The following CDH15 variants were observed in gnomAD, a reference collection of about 807,000 sequenced individuals.
CDH15 encodes the protein cadherin-15.
Under a neutral mutation model 69.4 loss-of-function variants are expected in CDH15, and 73 were observed. The ratio of observed to expected loss-of-function variants is 1.05; its 90% confidence interval spans 0.87 to 1.28. The LOEUF (loss-of-function observed/expected upper bound fraction) is 1.28. Among genes scored for constraint, CDH15 ranks in the 50% most tolerant of loss-of-function variants. CDH15 has a pLI of 0.00. For synonymous variants in CDH15, 624 were observed against 507.7 expected (o/e 1.23, Z -3.08); for missense variants, 1,343 against 1,133.6 (o/e 1.18, Z -2.65).
At chr16:89,191,601 G>C in intron 9 of CDH15, 54 bp from the exon 10 acceptor site, 1 of 1,570,940 alleles carries the variant, frequency 6.4e-7, no homozygotes, top group Non-Finnish European at 8.6e-7. Context: ...TGAGCCGACT[G>C]GTGGGGCAGG....
chr16:89,191,924 C>A (rs1270652668), intron 10 of CDH15, 30 bp downstream of exon 10: 4 of 1,522,396 alleles, frequency 2.6e-6, no homozygotes, highest in Non-Finnish European at 3.5e-6. Flanking sequence ...GCGCTCCCCC[C>A]ATCCCCACGC....
chr16:89,191,816 C>T lies in CDH15; in HGVS notation c.1537C>T (p.His513Tyr), dbSNP rs765782937. The change falls in exon 10 of 14, where the codon CAC becomes TAC. Residue 513 changes from histidine to tyrosine, a missense_variant. Transcript: ENST00000289746. ...LGATDEDLPPHGAPFHFQLSP... is the reference protein window; with the variant it reads ...LGATDEDLPPYGAPFHFQLSP... ...CGCCACGGATGAGGACCTGCCCCCC[C>T]ACGGGGCCCCCTTCCACTTCCAGCT... 5 of 1,604,730 alleles carry T rather than the reference C, an allele frequency of 3.1e-6. No homozygotes were observed. The South Asian group carries it at 4.4e-5, about 14-fold the overall frequency.
At chr16:89,178,734 C>T (rs1231378855) in intron 1 of CDH15, among the ~76,000 whole-genome samples, 1 of 152,236 alleles carries the variant, frequency 6.6e-6, no homozygotes, top group Non-Finnish European at 1.5e-5. Flanking sequence ...ATTACGGATA[C>T]ATCTCCAGCT....
chr16:89,186,970 CAGT>C (rs1047528882), intron 5 of CDH15, among the ~76,000 whole-genome samples: 1 of 150,128 alleles, frequency 6.7e-6, no homozygotes, highest in Non-Finnish European at 1.5e-5. Flanking sequence ...ACCCAGCACA[CAGT>C]AGGTGCTCTG....
intron 2 of CDH15, 120 bp from the exon 3 acceptor site, chr16:89,180,080 C>A: frequency 9.1e-7 from 1 of 1,100,202 alleles, no homozygotes; most frequent in Non-Finnish European, 1.3e-6. Flanking sequence ...GATCCGTCCT[C>A]CAGTCCTAGG....
At chr16:89,192,960 A>C (rs1260970147) in intron 11 of CDH15, among the ~76,000 whole-genome samples, 2 of 21,336 alleles carry the variant, frequency 9.4e-5, no homozygotes, top group Non-Finnish European at 1.7e-4. Flanking sequence ...CCGCAACACC[A>C]CCCACTCATT....
chr16:89,180,479 G>C lies in CDH15; in HGVS notation c.357+124G>C, dbSNP rs142654313. On this transcript the variant is annotated intron_variant, in intron 3 of 13. Coordinates refer to ENST00000289746, the MANE Select transcript of CDH15 (RefSeq NM_004933.3). The stretch of plus-strand genomic sequence containing the variant: ...CTTCAGGCCAGACTGCAAGATCCAG[G>C]CACCCTTAAGTGAGGGGGCAGGTAC... 1.1e-3 allele frequency: 1,240 copies of C among 1,116,994 alleles called. 6 individuals carry two copies. The highest frequency in any genetic ancestry group is 1.4e-3 in the Non-Finnish European group (1,092 of 760,770). 69.2% of individuals were successfully genotyped at this position (1,116,994 alleles called of 1,614,324 possible).
At chr16:89,172,181 C>CG (rs1207452046) in intron 1 of CDH15, among the ~76,000 whole-genome samples, 1 of 152,034 alleles carries the variant, frequency 6.6e-6, no homozygotes, top group Admixed American at 6.5e-5. Context: ...GAACCGCTGC[C>CG]GGGGTCTGGG....
At chr16:89,185,568 G>C in intron 5 of CDH15, 1 of 595,634 alleles carries the variant, frequency 1.7e-6, no homozygotes, top group South Asian at 1.9e-5. Flanking sequence ...TGAGGGGCCC[G>C]GCACAGGGCA....
chr16:89,185,405 C>A, intron 5 of CDH15, 72 bp downstream of exon 5: 1 of 1,485,882 alleles, frequency 6.7e-7, no homozygotes. Flanking sequence ...CCCTCTGCCC[C>A]CAGCCTGCCC....
intron 1 of CDH15, among the ~76,000 whole-genome samples, chr16:89,175,178 G>A (rs922709476): frequency 6.6e-6 from 1 of 152,200 alleles, no homozygotes; most frequent in Non-Finnish European, 1.5e-5. Context: ...GACCACACCC[G>A]GCCCAGCGTG....
chr16:89,174,457 T>G (rs912247109), intron 1 of CDH15, among the ~76,000 whole-genome samples: 10 of 152,200 alleles, frequency 6.6e-5, no homozygotes, highest in African/African-American at 2.2e-4. Context: ...GAACCGCTCC[T>G]CGTTCCCGTC....
At chr16:89,185,567 C>T (rs944188575) in intron 5 of CDH15, 14 of 595,438 alleles carry the variant, frequency 2.4e-5, no homozygotes, top group African/African-American at 1.1e-4. Flanking sequence ...GTGAGGGGCC[C>T]GGCACAGGGC....
intron 7 of CDH15, among the ~76,000 whole-genome samples, chr16:89,189,727 G>A (rs1915595011): frequency 6.6e-6 from 1 of 152,250 alleles, no homozygotes; most frequent in South Asian, 2.1e-4. Flanking sequence ...ATGTCCACAC[G>A]TGTAGATGTG....
intron 7 of CDH15, among the ~76,000 whole-genome samples, chr16:89,189,037 G>GCC: frequency 8.3e-6 from 1 of 120,166 alleles, no homozygotes; most frequent in Non-Finnish European, 1.7e-5. Context: ...ACAGATGTTG[G>GCC]CACACACAGG....
At chr16:89,178,188 C>T (rs1217393965) in intron 1 of CDH15, among the ~76,000 whole-genome samples, 1 of 152,122 alleles carries the variant, frequency 6.6e-6, no homozygotes, top group East Asian at 1.9e-4. Context: ...AGTTGCTGAC[C>T]GTCAGGACCT....
chr16:89,187,339 C>A, intron 5 of CDH15, 90 bp from the exon 6 acceptor site: 1 of 1,521,750 alleles, frequency 6.6e-7, no homozygotes, highest in Non-Finnish European at 9.0e-7. Context: ...AGGAACTGAG[C>A]TGGCCAGGTG....
At chr16:89,174,083 T>G (rs570814928) in intron 1 of CDH15, among the ~76,000 whole-genome samples, 44 of 152,362 alleles carry the variant, frequency 2.9e-4, no homozygotes, top group African/African-American at 9.4e-4. Context: ...AGGCCACTGT[T>G]CTTCCCACAG....
At chr16:89,172,638 G>A (rs1208946701) in intron 1 of CDH15, among the ~76,000 whole-genome samples, 1 of 152,176 alleles carries the variant, frequency 6.6e-6, no homozygotes, top group Non-Finnish European at 1.5e-5. Context: ...AGAGTGGAAG[G>A]AAGCCCAGGC....
Sources: gnomAD v4.1 joint callset for allele counts (sites outside exome capture counted in the v4.1 genomes callset) on GRCh38, gnomAD v4.1.1 for gene constraint, MANE v1.5 for transcripts, NCBI Gene and HGNC (gene_info 2026-07-23, HGNC 2026-07-21) for gene names.